LYRM1: variants seen among roughly 807,000 people sequenced by gnomAD.
The protein encoded by LYRM1 is LYR motif containing 1.
A neutral mutation model predicts 14.9 loss-of-function variants in LYRM1; 14 were observed. The ratio of observed to expected loss-of-function variants is 0.94; its 90% CI spans 0.62 to 1.47. The LOEUF (loss-of-function observed/expected upper bound fraction) is 1.47. Among genes scored for constraint, LYRM1 ranks in the 40% most tolerant of loss-of-function variants. The pLI, the probability that LYRM1 is intolerant of heterozygous loss-of-function variation, is 0.00. For missense variants in LYRM1, 153 were observed against 149.9 expected (o/e 1.02, Z -0.11); for synonymous variants, 43 against 56.2 (o/e 0.77, Z 1.05).
intron 1 of LYRM1, among the ~76,000 whole-genome samples, chr16:20,913,095 AT>A (rs2082683944): frequency 1.3e-5 from 2 of 149,882 alleles, no homozygotes; most frequent in African/African-American, 4.9e-5. Context: ...AATAATAATA[AT>A]AATTAAATAA....
intron 3 of LYRM1, among the ~76,000 whole-genome samples, chr16:20,923,564 T>C (rs1215501022): frequency 6.6e-6 from 1 of 152,008 alleles, no homozygotes; most frequent in African/African-American, 2.4e-5. Context: ...AGCCCCTCTC[T>C]TGCTAGGCAG....
chr16:20,908,972 A>C (rs2082453818), intron 1 of LYRM1, among the ~76,000 whole-genome samples: 1 of 152,192 alleles, frequency 6.6e-6, no homozygotes, highest in African/African-American at 2.4e-5. Flanking sequence ...TTTCTAATTC[A>C]TTTCTTTAAA....
At chr16:20,904,959 T>TA (rs1475318095) in intron 1 of LYRM1, among the ~76,000 whole-genome samples, 1 of 152,122 alleles carries the variant, frequency 6.6e-6, no homozygotes, top group African/African-American at 2.4e-5. Flanking sequence ...CAGTAAGAAG[T>TA]ATGCGCTGTG....
At chr16:20,911,222 C>CT (rs1274308979) in intron 1 of LYRM1, 2 of 152,102 alleles carry the variant, frequency 1.3e-5, no homozygotes, top group Admixed American at 1.3e-4. Context: ...TTGGCTCATT[C>CT]TTTACTCAAG....
chr16:20,907,434 C>T (rs1425312012), intron 1 of LYRM1, among the ~76,000 whole-genome samples: 1 of 152,254 alleles, frequency 6.6e-6, no homozygotes, highest in East Asian at 1.9e-4. Flanking sequence ...GATCATAGCT[C>T]ACTGCAGCCT....
At chr16:20,911,665 C>T (rs1406383536) in intron 1 of LYRM1, among the ~76,000 whole-genome samples, 1 of 152,226 alleles carries the variant, frequency 6.6e-6, no homozygotes, top group Middle Eastern at 3.4e-3. Flanking sequence ...TCAGAATCTT[C>T]CAGTAGTGGG....
intron 1 of LYRM1, among the ~76,000 whole-genome samples, chr16:20,915,186 A>C (rs1647497517): frequency 6.6e-6 from 1 of 152,208 alleles, no homozygotes; most frequent in African/African-American, 2.4e-5. Context: ...AAAAAACTGT[A>C]CATCAGCTGG....
At chr16:20,900,965 G>A (rs2082012595) in intron 1 of LYRM1, 76 bp downstream of exon 1, 1 of 152,850 alleles carries the variant, frequency 6.5e-6, no homozygotes, top group African/African-American at 2.4e-5. Context: ...CCACGGGCAG[G>A]GATGGTTTGG....
rs1034762205 is a variant in LYRM1, at chr16:20,900,902, G to T, written c.-1+13G>T. 1 of 152,562 alleles carries T rather than the reference G, an allele frequency of 6.6e-6. No homozygotes were observed. Among genetic ancestry groups the T allele is most frequent in the Non-Finnish European group, 1.5e-5 (1 of 68,284 alleles). 9.5% of individuals were successfully genotyped at this position (152,562 alleles called of 1,614,324 possible). A position where few individuals can be genotyped will look rare whatever the true frequency, so the allele number is the denominator to read the frequency against. On this transcript the variant is annotated intron_variant, in intron 1 of 3. Transcript: ENST00000567954. Reference sequence around the variant, plus strand: ...GGACTGACGCAGAGTGAGTGTAGGGGATGGAGGCGCCGACTCCAGGCGCGG... The same window carrying T: ...GGACTGACGCAGAGTGAGTGTAGGGTATGGAGGCGCCGACTCCAGGCGCGG...
At position 20,923,828 on chromosome 16, in the gene LYRM1, G is replaced by A. The variant is rs539311816; in HGVS notation, c.253-172G>A. Among the ~76,000 whole-genome samples the A allele has an allele frequency of 3.9e-5, 6 of 152,194 alleles. No homozygotes were observed. The East Asian group carries it at 1.2e-3, about 29-fold the overall frequency. ...TTCATTTCCTCATCTGTAAATATTAGAATAATAATCCCTTATGAGGTTGTT... is the reference window on the plus strand; with the variant it reads ...TTCATTTCCTCATCTGTAAATATTAAAATAATAATCCCTTATGAGGTTGTT... On this transcript the variant is annotated intron_variant, in intron 3 of 3. Transcript: ENST00000567954.
Position 20,924,120 on chromosome 16 carries a change from A to T in LYRM1, c.*4A>T. On this transcript the variant is annotated 3_prime_UTR_variant, in exon 4 of 4. Coordinates refer to ENST00000567954, the MANE Select transcript of LYRM1 (RefSeq NM_001128302.3). The stretch of plus-strand genomic sequence containing the variant: ...ATCTCATGATGAAGTTTCCTAATCT[A>T]GAGGAAAGTTTATTTCTGCAAATGA... The T allele has an allele frequency of 6.6e-7, 1 of 1,504,044 alleles. No homozygotes were observed. Among genetic ancestry groups the T allele is most frequent in the Non-Finnish European group, 9.2e-7 (1 of 1,087,102 alleles). The allele number at this position is 1,504,044 out of a possible 1,614,324, so 93.2% of individuals were successfully genotyped here. A position where few individuals can be genotyped will look rare whatever the true frequency, so the allele number is the denominator to read the frequency against.
In LYRM1 at chr16:20,913,386, C is replaced by T. The variant is rs566140263; in HGVS notation, c.1-2170C>T. On this transcript the variant is annotated intron_variant, in intron 1 of 3. Transcript: ENST00000567954. ...GGAATACAGTGGCGTGATCTTGGCA[C>T]ACTGCAACCTTCACCTCCTGGGTTC... 1.7e-4 allele frequency among the ~76,000 whole-genome samples: 25 copies of T among 149,954 alleles called. 1 individual carries two copies. In the South Asian group the frequency reaches 5.1e-3, roughly 30 times the overall value.
At chr16:20,912,627 T>C (rs1287786854) in intron 1 of LYRM1, among the ~76,000 whole-genome samples, 1 of 152,090 alleles carries the variant, frequency 6.6e-6, no homozygotes, top group Non-Finnish European at 1.5e-5. Flanking sequence ...GCAAAATAGA[T>C]AGTACATTGG....
chr16:20,917,073 C>T (rs930763784), intron 2 of LYRM1, among the ~76,000 whole-genome samples: 1 of 148,794 alleles, frequency 6.7e-6, no homozygotes, highest in African/African-American at 2.5e-5. Flanking sequence ...AAAAAAAAAG[C>T]GTTACTACAG....
chr16:20,909,509 T>C (rs750468830), intron 1 of LYRM1, among the ~76,000 whole-genome samples: 14 of 152,242 alleles, frequency 9.2e-5, no homozygotes, highest in Non-Finnish European at 1.3e-4. Flanking sequence ...ATTCCTGATG[T>C]ATTGCTGGTA....
intron 2 of LYRM1, among the ~76,000 whole-genome samples, chr16:20,918,149 C>T (rs959012625): frequency 1.3e-5 from 2 of 152,058 alleles, no homozygotes; most frequent in African/African-American, 4.8e-5. Flanking sequence ...GTTGTTCTGC[C>T]CAAGTAATAA....
At chr16:20,916,085 T>TG (rs568547267) in intron 2 of LYRM1, among the ~76,000 whole-genome samples, 686 of 28,434 alleles carry the variant, frequency 0.024, 5 homozygotes, top group African/African-American at 0.047. Context: ...TGTTGTTGTT[T>TG]TTTTTTTCAA....
At chr16:20,909,564 TAG>T (rs1389046387) in intron 1 of LYRM1, among the ~76,000 whole-genome samples, 1 of 152,184 alleles carries the variant, frequency 6.6e-6, no homozygotes, top group Non-Finnish European at 1.5e-5. Flanking sequence ...ACCCCTGATG[TAG>T]TGAAGAAGGA....
At position 20,924,086 on chromosome 16, in the gene LYRM1, AT is replaced by A; in HGVS notation, c.340del (p.Tyr114IlefsTer37). 6.2e-7 allele frequency: 1 copy of A among 1,609,032 alleles called. No homozygotes were observed. ...EKLRKLSKPV[Y>X]LRSHDEVS ...AACTGAGGAAACTTTCCAAACCAGT[AT>A]ATCTCAGATCTCATGATGAAGTTTC... On this transcript the variant is annotated frameshift_variant, in exon 4 of 4. Coordinates refer to ENST00000567954, the MANE Select transcript of LYRM1 (RefSeq NM_001128302.3). LOFTEE classifies it high-confidence loss of function.
Sources: allele counts gnomAD v4.1 joint callset (sites outside exome capture counted in the v4.1 genomes callset), GRCh38; gene constraint gnomAD v4.1.1; transcripts MANE v1.5; gene names NCBI Gene and HGNC (gene_info 2026-07-23, HGNC 2026-07-21).